NFIB: variants seen among roughly 807,000 people sequenced by gnomAD.
The protein encoded by NFIB is nuclear factor 1 B-type.
Under a neutral mutation model 61.5 loss-of-function variants are expected in NFIB, and 11 were observed. The ratio of observed to expected loss-of-function variants is 0.18; its 90% confidence interval spans 0.11 to 0.30. The LOEUF (loss-of-function observed/expected upper bound fraction) is 0.30. NFIB is among the 10% of genes least tolerant of loss of function. The probability of loss-of-function intolerance (pLI) is 1.00; values close to 1 mark genes in which losing one functional copy is unlikely to be tolerated. For missense variants in NFIB, 471 were observed against 608.9 expected (o/e 0.77, Z 2.38); for synonymous variants, 260 against 216.5 (o/e 1.20, Z -1.76).
the NFIB span, among the ~76,000 whole-genome samples, chr9:14,426,830 G>C: frequency 6.6e-6 from 1 of 152,164 alleles, no homozygotes; most frequent in Non-Finnish European, 1.5e-5. Context: ...ACCTCTGACA[G>C]CTCCTGAAGA....
intron 2 of NFIB, among the ~76,000 whole-genome samples, chr9:14,289,118 A>ATGTGTG (rs2058913006): frequency 7.5e-6 from 1 of 133,872 alleles, no homozygotes; most frequent in African/African-American, 3.0e-5. Flanking sequence ...GTGTGTGTGT[A>ATGTGTG]TATGTATATA....
intron 3 of NFIB, among the ~76,000 whole-genome samples, chr9:14,167,295 C>A (rs2044959858): frequency 6.6e-6 from 1 of 152,138 alleles, no homozygotes; most frequent in Admixed American, 6.5e-5. Flanking sequence ...GTAATCCCAG[C>A]ACTCTAGGAG....
intron 2 of NFIB, among the ~76,000 whole-genome samples, chr9:14,299,409 AC>A (rs1209352625): frequency 6.6e-6 from 1 of 152,262 alleles, no homozygotes; most frequent in African/African-American, 2.4e-5. Context: ...TTCAATGAAT[AC>A]TATTAAGTTG....
At chr9:14,440,768 T>C in the NFIB span, among the ~76,000 whole-genome samples, 1 of 152,262 alleles carries the variant, frequency 6.6e-6, no homozygotes, top group Non-Finnish European at 1.5e-5. Context: ...TACGTGTTCA[T>C]GTTTCATTCT....
chr9:14,399,556 A>C (rs10961502), upstream of NFIB, among the ~76,000 whole-genome samples: 1 of 152,204 alleles, frequency 6.6e-6, no homozygotes, highest in Admixed American at 6.5e-5. Flanking sequence ...TTTGGTTTTT[A>C]ATTTTTAACG....
At chr9:14,135,544 C>T (rs1304237345) in intron 6 of NFIB, among the ~76,000 whole-genome samples, 2 of 152,194 alleles carry the variant, frequency 1.3e-5, no homozygotes, top group Non-Finnish European at 2.9e-5. Context: ...CCTTCCCACA[C>T]ACTCCAAGTT....
intron 2 of NFIB, among the ~76,000 whole-genome samples, chr9:14,298,656 T>A (rs1402794393): frequency 1.3e-5 from 2 of 152,090 alleles, no homozygotes; most frequent in Non-Finnish European, 2.9e-5. Context: ...ACGCCTTGAA[T>A]CCACTGGTGT....
chr9:14,245,494 T>C (rs952288938), intron 2 of NFIB, among the ~76,000 whole-genome samples: 1 of 149,434 alleles, frequency 6.7e-6, no homozygotes, highest in African/African-American at 2.5e-5. Flanking sequence ...ACAAAAAAAA[T>C]GCAACCCTTT....
chr9:14,487,546 C>T, the NFIB span, among the ~76,000 whole-genome samples: 1 of 152,170 alleles, frequency 6.6e-6, no homozygotes, highest in Non-Finnish European at 1.5e-5. Context: ...TCCCTGACCC[C>T]ACCCCCAAAT....
At chr9:14,175,229 AG>A (rs2046051409) in intron 3 of NFIB, among the ~76,000 whole-genome samples, 1 of 122,726 alleles carries the variant, frequency 8.1e-6, no homozygotes, top group African/African-American at 3.2e-5. Context: ...GCTGGAGTGC[AG>A]TGGTGCGATC....
At chr9:14,232,863 G>C (rs1187556619) in intron 2 of NFIB, among the ~76,000 whole-genome samples, 1 of 152,100 alleles carries the variant, frequency 6.6e-6, no homozygotes, top group Non-Finnish European at 1.5e-5. Context: ...AACTATCCTA[G>C]TCTATAATCA....
At chr9:14,497,880 C>T in the NFIB span, among the ~76,000 whole-genome samples, 5 of 152,128 alleles carry the variant, frequency 3.3e-5, no homozygotes, top group Admixed American at 2.0e-4. Flanking sequence ...CAACTGCTAA[C>T]GGGAAGCCTC....
chr9:14,201,521 G>A (rs1050647543), intron 2 of NFIB, among the ~76,000 whole-genome samples: 16 of 152,138 alleles, frequency 1.1e-4, no homozygotes, highest in African/African-American at 1.7e-4. Flanking sequence ...CTTGAATTTC[G>A]TCTGTTACAA....
upstream of NFIB, among the ~76,000 whole-genome samples, chr9:14,403,066 G>A (rs770734180): frequency 5.3e-5 from 8 of 152,160 alleles, no homozygotes; most frequent in East Asian, 5.8e-4. Context: ...CATTTTGGCC[G>A]ACATGTACAG....
At chr9:14,309,508 G>T (rs563791651) in intron 1 of NFIB, among the ~76,000 whole-genome samples, 16 of 152,166 alleles carry the variant, frequency 1.1e-4, no homozygotes, top group Non-Finnish European at 1.0e-4. Flanking sequence ...TCATTAAACC[G>T]ATCAGTAGTT....
chr9:14,355,414 T>G (rs1381087399), intron 1 of NFIB, among the ~76,000 whole-genome samples: 1 of 152,162 alleles, frequency 6.6e-6, no homozygotes, highest in African/African-American at 2.4e-5. Flanking sequence ...AATAAATTTC[T>G]GCTGTTTAAG....
the NFIB span, among the ~76,000 whole-genome samples, chr9:14,436,233 T>C: frequency 5.3e-5 from 8 of 152,224 alleles, no homozygotes; most frequent in Non-Finnish European, 1.0e-4. Flanking sequence ...CAGCCTGTTA[T>C]AAAAGTCCCA....
At chr9:14,148,938 G>T (rs1463106739) in intron 5 of NFIB, among the ~76,000 whole-genome samples, 1 of 152,072 alleles carries the variant, frequency 6.6e-6, no homozygotes, top group Non-Finnish European at 1.5e-5. Context: ...ACTTAAAATT[G>T]GGGACAAATT....
the NFIB span, among the ~76,000 whole-genome samples, chr9:14,458,453 G>T: frequency 1.3e-5 from 2 of 152,174 alleles, no homozygotes; most frequent in African/African-American, 4.8e-5. Flanking sequence ...TTGAAAACTG[G>T]CACAAGACAG....
Sources: allele counts gnomAD v4.1 joint callset (sites outside exome capture counted in the v4.1 genomes callset), GRCh38; gene constraint gnomAD v4.1.1; transcripts MANE v1.5; gene names NCBI Gene and HGNC (gene_info 2026-07-23, HGNC 2026-07-21).